The following ADAMTSL1 variants were observed in gnomAD, a reference collection of about 807,000 sequenced individuals.
The protein encoded by ADAMTSL1 is ADAMTS like 1.
In ADAMTSL1, 126 loss-of-function variants were observed where a neutral mutation model predicts 201.8. The observed-to-expected ratio is 0.62, with a 90% CI of 0.54 to 0.72. The LOEUF is 0.72. ADAMTSL1 is among the 30% of genes least tolerant of loss of function. ADAMTSL1 has a pLI of 0.00. For missense variants in ADAMTSL1, 2,679 were observed against 2,277.8 expected (o/e 1.18, Z -3.59); for synonymous variants, 1,121 against 903.4 (o/e 1.24, Z -4.32).
chr9:18,358,350 C>T (rs554048404), intron 2 of ADAMTSL1, among the ~76,000 whole-genome samples: 25 of 152,242 alleles, frequency 1.6e-4, no homozygotes, highest in African/African-American at 5.1e-4. Flanking sequence ...CCATTAAGAA[C>T]ATTTTTGCAT....
chr9:18,342,024 G>A (rs1004084395), intron 2 of ADAMTSL1, among the ~76,000 whole-genome samples: 1 of 152,090 alleles, frequency 6.6e-6, no homozygotes, highest in East Asian at 1.9e-4. Flanking sequence ...AATACTTTTT[G>A]TATGGAGGAT....
intron 1 of ADAMTSL1, among the ~76,000 whole-genome samples, chr9:18,058,104 G>T (rs1292139032): frequency 6.6e-6 from 1 of 152,186 alleles, no homozygotes; most frequent in Non-Finnish European, 1.5e-5. Flanking sequence ...TAAAGGAGTG[G>T]ATAGATGGAA....
intron 16 of ADAMTSL1, among the ~76,000 whole-genome samples, chr9:18,755,617 A>C (rs1819706118): frequency 1.3e-5 from 2 of 152,192 alleles, no homozygotes. Flanking sequence ...ACAGCCATAT[A>C]TATGACCTTT....
intron 1 of ADAMTSL1, among the ~76,000 whole-genome samples, chr9:18,486,565 C>A (rs953825299): frequency 1.3e-5 from 2 of 152,034 alleles, no homozygotes; most frequent in Admixed American, 6.5e-5. Context: ...ATTGGACAGG[C>A]ATGGTAGTGC....
intron 22 of ADAMTSL1, among the ~76,000 whole-genome samples, chr9:18,828,486 G>A (rs7041341): frequency 0.65 from 96,916 of 150,068 alleles, 32,093 homozygotes; most frequent in Non-Finnish European, 0.73. Flanking sequence ...GTATTCCAGA[G>A]TAGAAAGAGA....
At chr9:18,577,948 GTT>G (rs1319114339) in intron 4 of ADAMTSL1, among the ~76,000 whole-genome samples, 1 of 151,200 alleles carries the variant, frequency 6.6e-6, no homozygotes, top group East Asian at 1.9e-4. Context: ...ACTGGAGATA[GTT>G]TGTCTTATGA....
intron 20 of ADAMTSL1, among the ~76,000 whole-genome samples, chr9:18,803,272 T>C (rs1822913884): frequency 6.6e-6 from 1 of 152,240 alleles, no homozygotes; most frequent in African/African-American, 2.4e-5. Flanking sequence ...CTGTGTTTTC[T>C]TGCTGGCTAT....
intron 2 of ADAMTSL1, among the ~76,000 whole-genome samples, chr9:18,280,587 G>A (rs1034131624): frequency 5.3e-5 from 8 of 152,040 alleles, no homozygotes; most frequent in Non-Finnish European, 4.4e-5. Context: ...ATTTATCTGA[G>A]AAATGATTTT....
At chr9:18,525,570 G>A (rs1365825469) in intron 2 of ADAMTSL1, among the ~76,000 whole-genome samples, 3 of 152,130 alleles carry the variant, frequency 2.0e-5, no homozygotes, top group Non-Finnish European at 4.4e-5. Flanking sequence ...GCTTTCTCTT[G>A]TGGGCATTTA....
intron 23 of ADAMTSL1, among the ~76,000 whole-genome samples, chr9:18,858,298 C>T (rs1335782200): frequency 6.6e-6 from 1 of 152,104 alleles, no homozygotes; most frequent in Non-Finnish European, 1.5e-5. Flanking sequence ...CTGCCCCCAC[C>T]CCCACACAGA....
intron 2 of ADAMTSL1, among the ~76,000 whole-genome samples, chr9:18,316,002 A>C (rs1834377545): frequency 6.6e-6 from 1 of 152,204 alleles, no homozygotes; most frequent in Non-Finnish European, 1.5e-5. Context: ...CAGAGTACAA[A>C]AGAGAGAAAT....
At chr9:18,508,638 A>C (rs2131954952) in intron 2 of ADAMTSL1, among the ~76,000 whole-genome samples, 1 of 152,346 alleles carries the variant, frequency 6.6e-6, no homozygotes, top group African/African-American at 2.4e-5. Context: ...TCAGCTATCA[A>C]AGTTCATGGA....
chr9:18,868,203 A>T (rs1267483279), intron 23 of ADAMTSL1, among the ~76,000 whole-genome samples: 1 of 152,146 alleles, frequency 6.6e-6, no homozygotes, highest in African/African-American at 2.4e-5. Context: ...CTTCCTCAGT[A>T]TGCACACATT....
chr9:18,382,258 T>C lies in ADAMTSL1; in HGVS notation c.208-122571T>C, dbSNP rs565443615. On this transcript the variant is annotated intron_variant, in intron 2 of 29. Coordinates refer to the ADAMTSL1 transcript ENST00000680146. ...CAAGTTCAGAGATCTGTTAAGTCTTTAGGATGTCAGTGAAGACTACGTCTT... is the reference window on the plus strand; with the variant it reads ...CAAGTTCAGAGATCTGTTAAGTCTTCAGGATGTCAGTGAAGACTACGTCTT... Among the ~76,000 whole-genome samples the C allele has an allele frequency of 2.6e-5, 4 of 152,288 alleles. No homozygotes were observed. The East Asian group carries it at 7.7e-4, about 29-fold the overall frequency.
chr9:18,765,971 G>A (rs1409405157), intron 16 of ADAMTSL1, among the ~76,000 whole-genome samples: 1 of 152,134 alleles, frequency 6.6e-6, no homozygotes, highest in East Asian at 1.9e-4. Flanking sequence ...AGATCTAAGA[G>A]AAGAATGGTG....
intron 3 of ADAMTSL1, among the ~76,000 whole-genome samples, chr9:18,567,852 TAATAA>T (rs1345495529): frequency 6.6e-6 from 1 of 152,158 alleles, no homozygotes; most frequent in East Asian, 1.9e-4. Flanking sequence ...TTAGCAAAAA[TAATAA>T]AATAGAATTT....
chr9:18,784,201 A>T (rs1821566817), intron 19 of ADAMTSL1, among the ~76,000 whole-genome samples: 1 of 151,814 alleles, frequency 6.6e-6, no homozygotes, highest in Non-Finnish European at 1.5e-5. Flanking sequence ...AGGTCAGATG[A>T]CCCCCTCCAT....
intron 1 of ADAMTSL1, among the ~76,000 whole-genome samples, chr9:17,918,820 G>C (rs1010510683): frequency 1.3e-5 from 2 of 151,788 alleles, no homozygotes; most frequent in African/African-American, 2.4e-5. Context: ...TTCTCTTGCA[G>C]TTCTAATAGT....
intron 1 of ADAMTSL1, among the ~76,000 whole-genome samples, chr9:17,977,546 A>T (rs1021787089): frequency 1.1e-4 from 16 of 151,940 alleles, no homozygotes; most frequent in African/African-American, 3.6e-4. Flanking sequence ...CTTGAAATTT[A>T]TCCACTTTTT....
Sources: allele counts gnomAD v4.1 joint callset (sites outside exome capture counted in the v4.1 genomes callset), GRCh38; gene constraint gnomAD v4.1.1; transcripts MANE v1.5; gene names NCBI Gene and HGNC (gene_info 2026-07-23, HGNC 2026-07-21).